PPP1R12B: variants seen among roughly 807,000 people sequenced by gnomAD.
The protein encoded by PPP1R12B is myosin phosphatase target subunit 2.
In PPP1R12B, 76 loss-of-function variants were observed where a neutral mutation model predicts 126.1. The ratio of observed to expected loss-of-function variants is 0.60; its 90% CI spans 0.50 to 0.73. The LOEUF (loss-of-function observed/expected upper bound fraction) is 0.73, where lower values mean the gene tolerates loss of function less well. Among genes scored for constraint, PPP1R12B ranks in the 30% least tolerant of loss-of-function variants. The pLI is 0.00. For synonymous variants in PPP1R12B, 356 were observed against 434.7 expected, an observed-to-expected ratio of 0.82 and a Z score of 2.25; for missense variants, 1,052 against 1,205.1, an observed-to-expected ratio of 0.87 and a Z score of 1.88.
At chr1:202,513,657 C>G (rs991931467) in intron 18 of PPP1R12B, among the ~76,000 whole-genome samples, 8 of 152,192 alleles carry the variant, frequency 5.3e-5, no homozygotes, top group Admixed American at 2.6e-4. Flanking sequence ...TTCCCAACTT[C>G]TTTTCTTCCC....
chr1:202,494,705 CA>C (rs554760520), intron 15 of PPP1R12B, among the ~76,000 whole-genome samples: 40 of 134,140 alleles, frequency 3.0e-4, no homozygotes, highest in Admixed American at 3.0e-4. Flanking sequence ...GACTCCGTCT[CA>C]AAAAAAAAAA....
chr1:202,516,211 G>A (rs1217182328), intron 18 of PPP1R12B, among the ~76,000 whole-genome samples: 3 of 152,148 alleles, frequency 2.0e-5, no homozygotes, highest in African/African-American at 7.2e-5. Flanking sequence ...AATAGTGGTA[G>A]TGCTGGTCAT....
intron 1 of PPP1R12B, among the ~76,000 whole-genome samples, chr1:202,414,794 G>A (rs1667848285): frequency 6.6e-6 from 1 of 152,066 alleles, no homozygotes; most frequent in African/African-American, 2.4e-5. Flanking sequence ...TTTTATTTTT[G>A]TTTTTGTTTT....
At chr1:202,436,129 A>G (rs1219124989) in intron 9 of PPP1R12B, among the ~76,000 whole-genome samples, 1 of 152,044 alleles carries the variant, frequency 6.6e-6, no homozygotes, top group Non-Finnish European at 1.5e-5. Flanking sequence ...GCATGGTGGC[A>G]CACACCTGTA....
rs1668445783 is a variant in PPP1R12B, at chr1:202,419,073, T to C, written c.422+2156T>C. Among the ~76,000 whole-genome samples the C allele has an allele frequency of 2.6e-5, 4 of 152,204 alleles. No homozygotes were observed. Among genetic ancestry groups the C allele is most frequent in the African/African-American group, 9.6e-5 (4 of 41,458 alleles). ...CATGTTTCATGGTGATCTTTTTGTC[T>C]CAGTATGTTGCATCAAAAGCAGGGA... On this transcript the variant is annotated intron_variant, in intron 2 of 23. Transcript: ENST00000608999. This position sits in a 1 kb window ranked among gnomAD's most constrained non-coding sequence, Gnocchi z 4.6.
At chr1:202,472,270 C>T (rs1253015901) in intron 13 of PPP1R12B, among the ~76,000 whole-genome samples, 1 of 151,990 alleles carries the variant, frequency 6.6e-6, no homozygotes, top group African/African-American at 2.4e-5. Context: ...TTTAACCATT[C>T]CCCTTATTGT....
chr1:202,504,624 C>T (rs1288795522), intron 18 of PPP1R12B, among the ~76,000 whole-genome samples: 2 of 152,088 alleles, frequency 1.3e-5, no homozygotes, highest in Admixed American at 1.3e-4. Flanking sequence ...AGTTGTAGTC[C>T]TAGTGCACAG....
intron 15 of PPP1R12B, among the ~76,000 whole-genome samples, chr1:202,493,642 A>G (rs1218030047): frequency 6.6e-6 from 1 of 152,252 alleles, no homozygotes; most frequent in African/African-American, 2.4e-5. Context: ...TGCTTACTTT[A>G]TGCCAGGCAC....
chr1:202,398,383 T>C (rs2148550949), intron 1 of PPP1R12B, among the ~76,000 whole-genome samples: 1 of 152,382 alleles, frequency 6.6e-6, no homozygotes, highest in South Asian at 2.1e-4. Flanking sequence ...TACTTCATCC[T>C]CACTGTCATG....
At chr1:202,360,215 C>A (rs1657910527) in intron 1 of PPP1R12B, among the ~76,000 whole-genome samples, 2 of 152,154 alleles carry the variant, frequency 1.3e-5, no homozygotes, top group African/African-American at 4.8e-5. Flanking sequence ...GTGGTATGTA[C>A]TTCCATGAGA....
chr1:202,417,059 T>C, intron 2 of PPP1R12B, 142 bp downstream of exon 2: 1 of 1,152,452 alleles, frequency 8.7e-7, no homozygotes. Context: ...TTGAATTATC[T>C]TTAAGCCATA....
chr1:202,434,183 CT>C (rs541796661), intron 8 of PPP1R12B, among the ~76,000 whole-genome samples: 93 of 152,202 alleles, frequency 6.1e-4, no homozygotes, highest in African/African-American at 2.0e-3. Flanking sequence ...ATTATCACTA[CT>C]TTTTAGAATG....
intron 11 of PPP1R12B, 53 bp downstream of exon 11, chr1:202,440,841 C>T (rs1427495022): frequency 7.0e-7 from 1 of 1,422,464 alleles, no homozygotes; most frequent in Non-Finnish European, 9.9e-7. Flanking sequence ...GTCTACTGGA[C>T]ATAGTCATCT....
intron 1 of PPP1R12B, among the ~76,000 whole-genome samples, chr1:202,398,759 T>C (rs1665373559): frequency 1.3e-5 from 2 of 152,200 alleles, no homozygotes; most frequent in Admixed American, 6.5e-5. Flanking sequence ...GTTGCCCAAG[T>C]AACTCTGTTT....
intron 1 of PPP1R12B, among the ~76,000 whole-genome samples, chr1:202,358,264 G>C (rs1023500475): frequency 6.6e-6 from 1 of 152,152 alleles, no homozygotes; most frequent in Non-Finnish European, 1.5e-5. Context: ...TGCTTTTGAA[G>C]TGTCATTTAA....
intron 1 of PPP1R12B, among the ~76,000 whole-genome samples, chr1:202,396,648 T>G (rs562777703): frequency 6.6e-6 from 1 of 152,332 alleles, no homozygotes; most frequent in Admixed American, 6.5e-5. Flanking sequence ...TCTTTGTCAC[T>G]CAGACTGAAG....
chr1:202,477,938 CTG>C (rs1491441155), intron 13 of PPP1R12B, among the ~76,000 whole-genome samples: 1 of 152,208 alleles, frequency 6.6e-6, no homozygotes, highest in Non-Finnish European at 1.5e-5. Flanking sequence ...TGCTACTAAA[CTG>C]TGAGTGTTAG....
At position 202,488,699 on chromosome 1, in the gene PPP1R12B, A is replaced by G. The variant is rs1219948404; in HGVS notation, c.1941+76A>G. The stretch of plus-strand genomic sequence containing the variant: ...GGAGGTACAATCAAAACACACTGCA[A>G]TATCCATGTTCAACTGCTGATTTAA... On this transcript the variant is annotated intron_variant, in intron 14 of 23. Transcript: ENST00000608999. The G allele has an allele frequency of 1.9e-5, 24 of 1,259,684 alleles. No individual in the cohort carries two copies. The Middle Eastern group carries it at 1.3e-3, about 68-fold the overall frequency. The allele number at this position is 1,259,684 out of a possible 1,614,324, so 78.0% of individuals were successfully genotyped here.
chr1:202,348,904 G>C lies in PPP1R12B; in HGVS notation c.53G>C (p.Arg18Pro). The change falls in exon 1 of 24, where the codon CGG becomes CCG. Residue 18 changes from arginine (R) to proline (P), a missense_variant. Coordinates refer to ENST00000608999, the MANE Select transcript of PPP1R12B (RefSeq NM_002481.4). ...AAGCGGGCAGAGTCGGCGCGAATGC[G>C]GCGGGCAGAGCAGCTTCGGCGCTGG... ...GGKRAESARM[R>P]RAEQLRRWRG... The C allele has an allele frequency of 3.1e-6, 5 of 1,610,018 alleles. No individual in the cohort carries two copies. The highest frequency in any genetic ancestry group is 3.4e-6 in the Non-Finnish European group (4 of 1,178,980).
Sources: allele counts gnomAD v4.1 joint callset (sites outside exome capture counted in the v4.1 genomes callset), GRCh38; gene constraint gnomAD v4.1.1; non-coding constraint Gnocchi (gnomAD v3.1); transcripts MANE v1.5; gene names NCBI Gene and HGNC (gene_info 2026-07-23, HGNC 2026-07-21).